SLC12A6: variants seen among roughly 807,000 people sequenced by gnomAD.
The protein encoded by SLC12A6 is solute carrier family 12 member 6.
SLC12A6 carries 66 observed loss-of-function variants against 135.3 expected under a neutral mutation model. That is an observed-to-expected ratio of 0.49 (90% CI 0.40 to 0.60). SLC12A6 has a LOEUF of 0.60. SLC12A6 is among the 20% of genes least tolerant of loss of function. The pLI, the probability that SLC12A6 is intolerant of heterozygous loss-of-function variation, is 0.00. For missense variants in SLC12A6, 1,058 were observed against 1,452.3 expected (o/e 0.73, Z 4.41); for synonymous variants, 513 against 508.8 (o/e 1.01, Z -0.11).
intron 2 of SLC12A6, among the ~76,000 whole-genome samples, chr15:34,330,586 T>G (rs925920357): frequency 2.5e-4 from 38 of 151,892 alleles, no homozygotes; most frequent in African/African-American, 7.5e-4. Flanking sequence ...GAGGACTGCT[T>G]GAGCTCAGAA....
At chr15:34,248,110 AT>A (rs1322681797) in intron 13 of SLC12A6, among the ~76,000 whole-genome samples, 1 of 152,072 alleles carries the variant, frequency 6.6e-6, no homozygotes, top group Non-Finnish European at 1.5e-5. Flanking sequence ...TTGCTTGTGA[AT>A]TTTTTTGGGG....
At chr15:34,289,922 A>G (rs1895394683) in intron 2 of SLC12A6, among the ~76,000 whole-genome samples, 1 of 152,016 alleles carries the variant, frequency 6.6e-6, no homozygotes, top group Non-Finnish European at 1.5e-5. Flanking sequence ...TTTTCAAAAA[A>G]CCAGCTCCTG....
Position 34,245,673 on chromosome 15 carries a change from C to T in SLC12A6, c.1824+20G>A. 6.3e-7 allele frequency: 1 copy of T among 1,593,144 alleles called. No homozygotes were observed. Among genetic ancestry groups the T allele is most frequent in the South Asian group, 1.1e-5 (1 of 90,664 alleles). On this transcript the variant is annotated intron_variant, in intron 14 of 25. Coordinates refer to ENST00000354181, the MANE Select transcript of SLC12A6 (RefSeq NM_001365088.1). ...TAAAGCTGGGAAAAAAAGAAGAGGGCATAATAAAAGGTCACTCACCCTCAG... is the reference window on the plus strand; with the variant it reads ...TAAAGCTGGGAAAAAAAGAAGAGGGTATAATAAAAGGTCACTCACCCTCAG...
chr15:34,318,790 GA>G, intron 2 of SLC12A6: 1 of 1,573,916 alleles, frequency 6.4e-7, no homozygotes, highest in Non-Finnish European at 8.6e-7. Context: ...CTGCCTACAA[GA>G]GACAGTGGCT....
chr15:34,260,701 A>C (rs1200219513), intron 4 of SLC12A6, among the ~76,000 whole-genome samples: 1 of 152,250 alleles, frequency 6.6e-6, no homozygotes, highest in Non-Finnish European at 1.5e-5. Context: ...CTATATGTCC[A>C]AGAAGTCAAA....
At chr15:34,289,298 C>T (rs1895346531) in intron 2 of SLC12A6, among the ~76,000 whole-genome samples, 1 of 152,060 alleles carries the variant, frequency 6.6e-6, no homozygotes, top group Non-Finnish European at 1.5e-5. Context: ...TATTGATTTG[C>T]TATGTTGAAC....
chr15:34,245,894 T>A (rs745843949), intron 13 of SLC12A6, 27 bp from the exon 14 acceptor site: 21 of 1,579,968 alleles, frequency 1.3e-5, no homozygotes, highest in Non-Finnish European at 1.7e-5. Flanking sequence ...AGTGGGAAAT[T>A]TAATCTGGAA....
At chr15:34,336,914 CAAAA>C (rs1325869577) in intron 1 of SLC12A6, 162 bp from the exon 2 acceptor site, 6 of 572,736 alleles carry the variant, frequency 1.0e-5, no homozygotes, top group African/African-American at 3.8e-5. Context: ...GAGAAAAAAA[CAAAA>C]AACAAAAAGA....
chr15:34,310,475 A>AGT lies in SLC12A6; in HGVS notation c.271+25933_271+25934dup, dbSNP rs58752500. 1.4e-3 allele frequency among the ~76,000 whole-genome samples: 60 copies of AGT among 41,624 alleles called. 2 individuals are homozygous for AGT. The East Asian group carries it at 0.018, about 12-fold the overall frequency. 27.3% of individuals were successfully genotyped at this position (41,624 alleles called of 152,430 possible). On this transcript the variant is annotated intron_variant, in intron 2 of 25. Coordinates refer to ENST00000354181, the MANE Select transcript of SLC12A6 (RefSeq NM_001365088.1). ...GGCTGGTGTTGAACTCCTGGGCTCA[A>AGT]GTGTGTGTGTGTGTGTGTGTATGTA... is the stretch of plus-strand genomic sequence containing the variant.
intron 2 of SLC12A6, among the ~76,000 whole-genome samples, chr15:34,305,153 C>T (rs1481395802): frequency 6.6e-6 from 1 of 152,124 alleles, no homozygotes; most frequent in East Asian, 1.9e-4. Flanking sequence ...TATCTGGAAG[C>T]CTCCAAGGTG....
chr15:34,307,818 T>C (rs1887839267), intron 2 of SLC12A6, among the ~76,000 whole-genome samples: 1 of 152,192 alleles, frequency 6.6e-6, no homozygotes, highest in Non-Finnish European at 1.5e-5. Context: ...AAGGGGAAGA[T>C]GGAGACAACT....
At chr15:34,238,851 A>G in intron 20 of SLC12A6, 114 bp downstream of exon 20, 1 of 948,708 alleles carries the variant, frequency 1.1e-6, no homozygotes, top group Non-Finnish European at 1.7e-6. Context: ...GTTGCCTTAT[A>G]AGACTATGCT....
At chr15:34,283,073 T>C (rs573707883) in intron 2 of SLC12A6, among the ~76,000 whole-genome samples, 2 of 152,246 alleles carry the variant, frequency 1.3e-5, no homozygotes, top group African/African-American at 4.8e-5. Context: ...CCGGGCACTG[T>C]GGCTCACGCC....
chr15:34,278,634 C>T (rs896857844), intron 2 of SLC12A6, among the ~76,000 whole-genome samples: 3 of 151,868 alleles, frequency 2.0e-5, no homozygotes, highest in South Asian at 2.1e-4. Flanking sequence ...TGCAGTAGCG[C>T]GATCTCGGCT....
intron 2 of SLC12A6, among the ~76,000 whole-genome samples, chr15:34,281,190 AG>A (rs752687190): frequency 2.0e-5 from 3 of 152,182 alleles, no homozygotes; most frequent in Non-Finnish European, 4.4e-5. Flanking sequence ...AGCTAGGAGG[AG>A]GATATTGAAT....
intron 2 of SLC12A6, among the ~76,000 whole-genome samples, chr15:34,282,322 A>C (rs1894744804): frequency 1.3e-5 from 2 of 152,242 alleles, no homozygotes; most frequent in Non-Finnish European, 1.5e-5. Context: ...CTCCAAAAGA[A>C]GAATATAATA....
chr15:34,247,993 C>T (rs750895596), intron 13 of SLC12A6, among the ~76,000 whole-genome samples: 1 of 152,184 alleles, frequency 6.6e-6, no homozygotes, highest in Non-Finnish European at 1.5e-5. Flanking sequence ...GCATGAGCCA[C>T]CATACCCAGC....
rs1892351398 is a variant in SLC12A6 at position 34,251,018 on chromosome 15, A to G, written c.1373T>C (p.Ile458Thr). The change falls in exon 11 of 26, where the codon ATC (isoleucine) becomes ACC (threonine). Residue 458 changes from isoleucine (I) to threonine (T), a missense_variant. Transcript: ENST00000354181. ...AGAAGATTTGGCTGAAGGCTTTTCG[A>G]TGATCTCTCCCTTGGGTAGGTAATT... Reference protein sequence around the residue: ...WSNYLPKGEIIEKPSAKSSDV... With the variant: ...WSNYLPKGEITEKPSAKSSDV... 1.2e-6 allele frequency: 2 copies of G among 1,611,928 alleles called. No individual in the cohort carries two copies. The highest frequency in any genetic ancestry group is 1.3e-5 in the African/African-American group (1 of 74,834).
chr15:34,295,875 G>C (rs11857295), intron 2 of SLC12A6, among the ~76,000 whole-genome samples: 3 of 151,902 alleles, frequency 2.0e-5, no homozygotes, highest in Admixed American at 2.0e-4. Context: ...TGGCACATGC[G>C]TGTAAGCCCA....
Sources: gnomAD v4.1 joint callset for allele counts (sites outside exome capture counted in the v4.1 genomes callset) on GRCh38, gnomAD v4.1.1 for gene constraint, MANE v1.5 for transcripts, NCBI Gene and HGNC (gene_info 2026-07-23, HGNC 2026-07-21) for gene names.